The following GNA13 variants were observed in gnomAD, a reference collection of about 807,000 sequenced individuals.
The protein encoded by GNA13 is guanine nucleotide-binding protein subunit alpha-13.
In GNA13, 4 loss-of-function variants were observed where a neutral mutation model predicts 33.5. The ratio of observed to expected loss-of-function variants is 0.12; its 90% CI spans 0.06 to 0.27. The LOEUF is 0.27. Ranked by LOEUF, GNA13 falls within the 10% of genes least tolerant of loss-of-function variation. The pLI is 1.00. For missense variants in GNA13, 319 were observed against 487.2 expected, an observed-to-expected ratio of 0.65 and a Z score of 3.25; for synonymous variants, 176 against 183.8, an observed-to-expected ratio of 0.96 and a Z score of 0.34.
At chr17:65,022,590 A>T (rs1906622062) in intron 2 of GNA13, among the ~76,000 whole-genome samples, 1 of 152,222 alleles carries the variant, frequency 6.6e-6, no homozygotes, top group Non-Finnish European at 1.5e-5. Flanking sequence ...TTACAGACTA[A>T]GCTTTCTTCA....
chr17:65,037,473 T>C (rs1907289673), intron 2 of GNA13, among the ~76,000 whole-genome samples: 1 of 152,194 alleles, frequency 6.6e-6, no homozygotes, highest in Non-Finnish European at 1.5e-5. Flanking sequence ...GAATTCTTCC[T>C]AGACCTCTCA....
At position 65,027,428 on chromosome 17, in the gene GNA13, G is replaced by A. The variant is rs141085475; in HGVS notation, c.511-9125C>T. 1.8e-3 allele frequency among the ~76,000 whole-genome samples: 272 copies of A among 151,122 alleles called. 2 individuals are homozygous for A. Among genetic ancestry groups the A allele is most frequent in the African/African-American group, 6.2e-3 (257 of 41,212 alleles). ...CTTCCAAGTAGCTGGGATTACAGGC[G>A]TACCACCACAAGCAGCCACTGGGGG... is the stretch of plus-strand genomic sequence containing the variant. On this transcript the variant is annotated intron_variant, in intron 2 of 3. Coordinates refer to ENST00000439174, the MANE Select transcript of GNA13 (RefSeq NM_006572.6).
In GNA13 at chr17:65,056,449, C is replaced by A; in HGVS notation, c.145G>T (p.Val49Leu). 1 of 1,613,884 alleles carries A rather than the reference C, an allele frequency of 6.2e-7. No individual in the cohort carries two copies. The highest frequency in any genetic ancestry group is 8.5e-7 in the Non-Finnish European group (1 of 1,179,880). ...CCCGCGCCCAGCAGCAGGATCTTCA[C>A]CAGCCGCTTCACATAGGTCTTTTCC... The part of the protein sequence containing the change: ...SREKTYVKRL[V>L]KILLLGAGES... The change falls in exon 1 of 4, where the codon GTG becomes TTG. Residue 49 changes from valine to leucine, a missense_variant. Physicochemically the swap from Val to Leu is conservative, Grantham distance 32. Around this residue, in one of 4 missense-constraint regions of GNA13, gnomAD observed 47 missense variants for 64.7 expected, o/e 0.73. Coordinates refer to ENST00000439174, the MANE Select transcript of GNA13 (RefSeq NM_006572.6).
chr17:65,047,003 C>G (rs1188815825), intron 2 of GNA13, among the ~76,000 whole-genome samples: 1 of 152,064 alleles, frequency 6.6e-6, no homozygotes, highest in Non-Finnish European at 1.5e-5. Context: ...AGTGATACCA[C>G]CTATGTGTGC....
chr17:65,051,156 GTTCT>G (rs1432966522), intron 2 of GNA13, among the ~76,000 whole-genome samples: 1 of 152,200 alleles, frequency 6.6e-6, no homozygotes, highest in Non-Finnish European at 1.5e-5. Flanking sequence ...CAGGTATGCA[GTTCT>G]TTATTTATTC....
At chr17:65,019,047 C>T (rs766772457) in intron 2 of GNA13, among the ~76,000 whole-genome samples, 2 of 152,130 alleles carry the variant, frequency 1.3e-5, no homozygotes, top group Admixed American at 6.5e-5. Context: ...TTCACTTTCC[C>T]GCGGGATTCT....
rs747118366 is a variant in GNA13 at position 65,031,890 on chromosome 17, G to GAGAAAA, written c.511-13588_511-13587insTTTTCT. ...ATAGAGAGAGAGAGAGAGAGAGAGA[G>GAGAAAA]AGAGAAAGAGAGAGAGAGAGAGAGA... On this transcript the variant is annotated intron_variant, in intron 2 of 3. Coordinates refer to ENST00000439174, the MANE Select transcript of GNA13 (RefSeq NM_006572.6). 4.6e-5 allele frequency among the ~76,000 whole-genome samples: 4 copies of GAGAAAA among 86,226 alleles called. No individual in the cohort carries two copies. In the South Asian group the frequency reaches 2.4e-3, roughly 52 times the overall value. The allele number at this position is 86,226 out of a possible 152,430, so 56.6% of individuals were successfully genotyped here. A position where few individuals can be genotyped will look rare whatever the true frequency, so the allele number is the denominator to read the frequency against.
chr17:65,045,263 T>A (rs1169889947), intron 2 of GNA13, among the ~76,000 whole-genome samples: 3 of 152,160 alleles, frequency 2.0e-5, no homozygotes, highest in African/African-American at 7.2e-5. Context: ...CTCACACCTG[T>A]CATCCCAGCA....
At chr17:65,027,788 C>T (rs1444781556) in intron 2 of GNA13, among the ~76,000 whole-genome samples, 1 of 152,096 alleles carries the variant, frequency 6.6e-6, no homozygotes, top group Non-Finnish European at 1.5e-5. Context: ...AAAACAAAAC[C>T]AAATATTCAA....
At chr17:65,056,290 C>T (rs1908056534) in intron 1 of GNA13, 21 bp downstream of exon 1, 10 of 1,570,734 alleles carry the variant, frequency 6.4e-6, no homozygotes, top group Non-Finnish European at 8.7e-6. Context: ...TAACCCCCGG[C>T]CCCCATTCCC....
In GNA13 at chr17:65,053,678, C is replaced by T; in HGVS notation, c.334G>A (p.Asp112Asn). 1 of 1,614,048 alleles carries T rather than the reference C, an allele frequency of 6.2e-7. No individual in the cohort carries two copies. Among genetic ancestry groups the T allele is most frequent in the Non-Finnish European group, 8.5e-7 (1 of 1,179,940 alleles). The change falls in exon 2 of 4, where the codon GAC (aspartate) becomes AAC (asparagine). Residue 112 changes from aspartate to asparagine, a missense_variant. Asp to Asn is a conservative substitution (Grantham distance 23, BLOSUM62 1). This residue lies in a region of GNA13 where 136 missense variants were observed against 159.3 expected (regional missense o/e 0.85). Coordinates refer to ENST00000439174, the MANE Select transcript of GNA13 (RefSeq NM_006572.6). ...AREKLHIPWGDNSNQQHGDKM... is the reference protein window; with the variant it reads ...AREKLHIPWGNNSNQQHGDKM... ...TCTCCATGTTGTTGGTTTGAGTTGT[C>T]TCCCCAGGGAATATGAAGCTTCTCT...
chr17:65,045,350 T>C (rs1042648954), intron 2 of GNA13, among the ~76,000 whole-genome samples: 1 of 151,930 alleles, frequency 6.6e-6, no homozygotes, highest in African/African-American at 2.4e-5. Context: ...TGAAACCCCA[T>C]CTCTACTAAA....
chr17:65,029,699 T>A (rs1906932274), intron 2 of GNA13, among the ~76,000 whole-genome samples: 1 of 152,216 alleles, frequency 6.6e-6, no homozygotes, highest in Admixed American at 6.5e-5. Flanking sequence ...ATCTCTTTGC[T>A]ACACCTCCCT....
chr17:65,044,496 C>T (rs1471082911), intron 2 of GNA13, among the ~76,000 whole-genome samples: 3 of 151,972 alleles, frequency 2.0e-5, no homozygotes, highest in Non-Finnish European at 4.4e-5. Context: ...TCACTTTTAA[C>T]TGGAAAAAAA....
chr17:65,039,258 C>T (rs1489421419), intron 2 of GNA13, among the ~76,000 whole-genome samples: 1 of 152,200 alleles, frequency 6.6e-6, no homozygotes, highest in Non-Finnish European at 1.5e-5. Flanking sequence ...CACCAACTGA[C>T]GACAAGCTGC....
At chr17:65,044,166 C>T (rs1054564463) in intron 2 of GNA13, among the ~76,000 whole-genome samples, 2 of 152,080 alleles carry the variant, frequency 1.3e-5, no homozygotes, top group Admixed American at 1.3e-4. Flanking sequence ...GTTCATTTTG[C>T]CAAAGGAAGA....
At chr17:65,050,499 C>T (rs1321531566) in intron 2 of GNA13, among the ~76,000 whole-genome samples, 1 of 152,178 alleles carries the variant, frequency 6.6e-6, no homozygotes, top group Non-Finnish European at 1.5e-5. Flanking sequence ...GAAGCCAAGG[C>T]AGGAGGACTG....
At chr17:65,020,881 C>CCT (rs1358143005) in intron 2 of GNA13, among the ~76,000 whole-genome samples, 3 of 152,090 alleles carry the variant, frequency 2.0e-5, no homozygotes, top group Non-Finnish European at 2.9e-5. Flanking sequence ...GAACTCCTGA[C>CCT]CTCAGGTGAT....
rs188788158 is a variant in GNA13 at position 65,026,992 on chromosome 17, G to A, written c.511-8689C>T. The stretch of plus-strand genomic sequence containing the variant: ...AGGGTTTCTCTATGTTGGTCAGGCT[G>A]GTCTCGAACTCCCGGCCTCAGGTGA... On this transcript the variant is annotated intron_variant, in intron 2 of 3. Transcript: ENST00000439174. 2.6e-5 allele frequency among the ~76,000 whole-genome samples: 4 copies of A among 152,204 alleles called. No homozygotes were observed. The East Asian group carries it at 5.8e-4, about 22-fold the overall frequency.
Sources: allele counts gnomAD v4.1 joint callset (sites outside exome capture counted in the v4.1 genomes callset), GRCh38; gene constraint gnomAD v4.1.1; regional missense constraint gnomAD v4.1.1; transcripts MANE v1.5; gene names NCBI Gene and HGNC (gene_info 2026-07-23, HGNC 2026-07-21).